Variants in SLC13A4 observed in about 807,000 individuals in gnomAD.
SLC13A4 encodes solute carrier family 13 member 4.
A neutral mutation model predicts 72.7 loss-of-function variants in SLC13A4; 28 were observed. That is an observed-to-expected ratio of 0.39 (90% CI 0.29 to 0.53). SLC13A4 has a LOEUF of 0.53. SLC13A4 is among the 20% of genes least tolerant of loss of function. SLC13A4 has a pLI of 0.78. For missense variants in SLC13A4, 653 were observed against 788.0 expected (o/e 0.83, Z 2.05); for synonymous variants, 312 against 325.5 (o/e 0.96, Z 0.45).
intron 13 of SLC13A4, among the ~76,000 whole-genome samples, chr7:135,689,250 TG>T (rs906485491): frequency 2.6e-5 from 4 of 151,892 alleles, no homozygotes; most frequent in African/African-American, 4.8e-5. Flanking sequence ...AACTAACAAC[TG>T]AAATTCAATA....
In SLC13A4 at chr7:135,681,429, TG is replaced by T; in HGVS notation, c.*133del. On this transcript the variant is annotated 3_prime_UTR_variant, in exon 16 of 16. Coordinates refer to ENST00000682651, the MANE Select transcript of SLC13A4 (RefSeq NM_001318192.2). ...GTTCACTTGAGGTGGCGGAATCTTCTGGTGGAGGGATGCCCTCCGGCGTGGG... is the reference window on the plus strand; with the variant it reads ...GTTCACTTGAGGTGGCGGAATCTTCTGTGGAGGGATGCCCTCCGGCGTGGG... 9.0e-7 allele frequency: 1 copy of T among 1,109,838 alleles called. No homozygotes were observed. Among genetic ancestry groups the T allele is most frequent in the Non-Finnish European group, 1.3e-6 (1 of 787,178 alleles). The allele number at this position is 1,109,838 out of a possible 1,614,324, so 68.7% of individuals were successfully genotyped here.
chr7:135,721,707 G>C (rs1303159461), intron 1 of SLC13A4, among the ~76,000 whole-genome samples, 184 bp from the exon 2 acceptor site: 1 of 152,200 alleles, frequency 6.6e-6, no homozygotes, highest in Non-Finnish European at 1.5e-5. Context: ...ATCCTTTGGT[G>C]GGTGACATTA....
At chr7:135,683,483 C>CTG in intron 15 of SLC13A4, 1 of 984,134 alleles carries the variant, frequency 1.0e-6, no homozygotes, top group East Asian at 1.1e-4. Flanking sequence ...ATCCTCTCCC[C>CTG]CCCCGCTCAG....
intron 15 of SLC13A4, chr7:135,683,673 G>A (rs1050163389): frequency 1.4e-5 from 14 of 985,278 alleles, no homozygotes; most frequent in South Asian, 1.4e-4. Context: ...TGCCTGGGCC[G>A]GGGTGGAGGG....
chr7:135,714,555 G>A (rs1444354788), intron 2 of SLC13A4, among the ~76,000 whole-genome samples: 1 of 152,230 alleles, frequency 6.6e-6, no homozygotes, highest in Non-Finnish European at 1.5e-5. Flanking sequence ...GTGGCTGAGG[G>A]TGAGGGCAGC....
intron 13 of SLC13A4, among the ~76,000 whole-genome samples, chr7:135,689,417 G>A (rs916291722): frequency 2.0e-5 from 3 of 152,144 alleles, no homozygotes; most frequent in East Asian, 1.9e-4. Flanking sequence ...TGCCAAGGAT[G>A]CTTTATAAAA....
chr7:135,681,736 G>A, intron 15 of SLC13A4, 36 bp from the exon 16 acceptor site: 4 of 1,601,634 alleles, frequency 2.5e-6, no homozygotes, highest in Non-Finnish European at 3.4e-6. Context: ...TAGTCACTCT[G>A]ACCAGCAGCA....
intron 8 of SLC13A4, among the ~76,000 whole-genome samples, chr7:135,696,342 T>A (rs949227939): frequency 1.3e-5 from 2 of 152,134 alleles, no homozygotes; most frequent in Non-Finnish European, 2.9e-5. Flanking sequence ...ACTTTCCTTT[T>A]ATTTTTTTAT....
chr7:135,694,112 G>A lies in SLC13A4; in HGVS notation c.1121+25C>T, dbSNP rs140954043. The stretch of plus-strand genomic sequence containing the variant: ...CTGCTGTGTTTCTGCTGGAGAAGGA[G>A]GGAAGAGGAATGGCTGATTTTTACC... On this transcript the variant is annotated intron_variant, in intron 10 of 15. Coordinates refer to ENST00000682651, the MANE Select transcript of SLC13A4 (RefSeq NM_001318192.2). The A allele has an allele frequency of 4.4e-6, 6 of 1,370,604 alleles. No homozygotes were observed. The African/African-American group carries it at 7.1e-5, about 16-fold the overall frequency. 84.9% of individuals were successfully genotyped at this position (1,370,604 alleles called of 1,614,324 possible). A position where few individuals can be genotyped will look rare whatever the true frequency, so the allele number is the denominator to read the frequency against.
intron 5 of SLC13A4, chr7:135,704,726 A>C (rs976088528): frequency 6.6e-6 from 1 of 152,138 alleles, no homozygotes; most frequent in African/African-American, 2.4e-5. Flanking sequence ...GAACCAGGAG[A>C]GCTACGGGAT....
At chr7:135,725,932 G>A (rs184077492) in intron 1 of SLC13A4, among the ~76,000 whole-genome samples, 33 of 152,284 alleles carry the variant, frequency 2.2e-4, no homozygotes, top group Non-Finnish European at 3.8e-4. Context: ...TTGTGCCACC[G>A]CACTCCGGAC....
At chr7:135,682,251 T>G (rs1242692661) in intron 15 of SLC13A4, among the ~76,000 whole-genome samples, 1 of 152,198 alleles carries the variant, frequency 6.6e-6, no homozygotes, top group Non-Finnish European at 1.5e-5. Context: ...CTAGCTGGAA[T>G]GGAGCCTTTG....
At chr7:135,702,023 A>G in intron 6 of SLC13A4, 1 of 356,922 alleles carries the variant, frequency 2.8e-6, no homozygotes, top group Non-Finnish European at 5.0e-6. Context: ...CCTTTCTGGG[A>G]CTTTATTAGC....
chr7:135,701,947 A>G, intron 6 of SLC13A4, 187 bp from the exon 7 acceptor site: 1 of 546,420 alleles, frequency 1.8e-6, no homozygotes, highest in Non-Finnish European at 3.2e-6. Flanking sequence ...GCCTGGTGTC[A>G]AGTTCTCCAC....
intron 1 of SLC13A4, among the ~76,000 whole-genome samples, chr7:135,722,644 CCT>C (rs530825757): frequency 3.2e-4 from 48 of 152,158 alleles, no homozygotes; most frequent in Non-Finnish European, 5.6e-4. Flanking sequence ...GTTAAATCCC[CCT>C]GTTTTAGACT....
intron 9 of SLC13A4, 54 bp from the exon 10 acceptor site, chr7:135,694,292 A>C: frequency 9.0e-7 from 1 of 1,107,528 alleles, no homozygotes. Context: ...TGAGGCCCAG[A>C]GATCAAATAT....
At chr7:135,715,883 C>A (rs1319818075) in intron 2 of SLC13A4, among the ~76,000 whole-genome samples, 3 of 152,160 alleles carry the variant, frequency 2.0e-5, no homozygotes, top group Non-Finnish European at 4.4e-5. Context: ...AAATACAGGA[C>A]TAATCAGCAG....
chr7:135,684,026 G>T, intron 15 of SLC13A4, 98 bp downstream of exon 15: 1 of 1,381,034 alleles, frequency 7.2e-7, no homozygotes, highest in Non-Finnish European at 9.8e-7. Flanking sequence ...ACAGGCCAGG[G>T]ACACTGCTAC....
At chr7:135,697,175 C>T (rs1403597586) in intron 8 of SLC13A4, among the ~76,000 whole-genome samples, 1 of 152,274 alleles carries the variant, frequency 6.6e-6, no homozygotes, top group African/African-American at 2.4e-5. Context: ...CATGGTGGCC[C>T]TGTGTCCCTG....
Sources: gnomAD v4.1 joint callset for allele counts (sites outside exome capture counted in the v4.1 genomes callset) on GRCh38, gnomAD v4.1.1 for gene constraint, MANE v1.5 for transcripts, NCBI Gene and HGNC (gene_info 2026-07-23, HGNC 2026-07-21) for gene names.